Variants in TMEM117 observed in about 807,000 individuals in gnomAD.
TMEM117 encodes the protein transmembrane protein 117.
Under a neutral mutation model 52.4 loss-of-function variants are expected in TMEM117, and 27 were observed. The observed-to-expected ratio is 0.51, with a 90% CI of 0.38 to 0.71. TMEM117 has a LOEUF of 0.71. Among genes scored for constraint, TMEM117 ranks in the 30% least tolerant of loss-of-function variants. The probability of loss-of-function intolerance (pLI) is 0.00; values close to 1 mark genes in which losing one functional copy is unlikely to be tolerated. For synonymous variants in TMEM117, 215 were observed against 206.3 expected (o/e 1.04, Z -0.36); for missense variants, 556 against 630.5 (o/e 0.88, Z 1.26).
chr12:44,041,132 T>C (rs999531591), intron 3 of TMEM117, among the ~76,000 whole-genome samples: 2 of 152,060 alleles, frequency 1.3e-5, no homozygotes, highest in Admixed American at 6.5e-5. Context: ...TTAGGGTACA[T>C]GTGCACAACA....
chr12:44,232,284 TG>T (rs1949943649), intron 5 of TMEM117, among the ~76,000 whole-genome samples: 1 of 151,614 alleles, frequency 6.6e-6, no homozygotes, highest in Non-Finnish European at 1.5e-5. Context: ...ACAATCCAAC[TG>T]GTGTTAAGTG....
chr12:44,124,009 C>T (rs1357183093), intron 3 of TMEM117, among the ~76,000 whole-genome samples: 1 of 151,838 alleles, frequency 6.6e-6, no homozygotes, highest in East Asian at 1.9e-4. Flanking sequence ...GCCATTTTAA[C>T]AATATAGATT....
At chr12:44,339,836 A>AT (rs908626489) in intron 6 of TMEM117, among the ~76,000 whole-genome samples, 1 of 151,660 alleles carries the variant, frequency 6.6e-6, no homozygotes, top group African/African-American at 2.4e-5. Context: ...CTCATATATG[A>AT]TTTTTATATA....
At chr12:44,134,917 G>A (rs921738508) in intron 3 of TMEM117, among the ~76,000 whole-genome samples, 7 of 152,042 alleles carry the variant, frequency 4.6e-5, no homozygotes, top group African/African-American at 1.7e-4. Context: ...CAAAGTGCTG[G>A]TATGCATGTC....
the TMEM117 span, among the ~76,000 whole-genome samples, chr12:43,796,161 T>C: frequency 6.6e-6 from 1 of 152,178 alleles, no homozygotes; most frequent in East Asian, 1.9e-4. Flanking sequence ...GTAAGATTGT[T>C]TTACATTTTT....
chr12:43,967,850 T>A (rs1312976195), intron 3 of TMEM117, among the ~76,000 whole-genome samples: 1 of 152,216 alleles, frequency 6.6e-6, no homozygotes, highest in Non-Finnish European at 1.5e-5. Flanking sequence ...AATAAAATAG[T>A]GTGTTCTGAA....
intron 2 of TMEM117, among the ~76,000 whole-genome samples, chr12:43,929,039 G>T (rs1592370961): frequency 6.6e-6 from 1 of 151,502 alleles, no homozygotes; most frequent in Non-Finnish European, 1.5e-5. Context: ...ATTGTGAATA[G>T]TGCCACAATA....
intron 2 of TMEM117, among the ~76,000 whole-genome samples, chr12:43,876,845 T>C (rs1943805319): frequency 6.6e-6 from 1 of 152,218 alleles, no homozygotes; most frequent in African/African-American, 2.4e-5. Context: ...TAGAAATAAG[T>C]ATTACTAGTA....
At chr12:44,161,080 C>T (rs1948892117) in intron 4 of TMEM117, among the ~76,000 whole-genome samples, 1 of 152,058 alleles carries the variant, frequency 6.6e-6, no homozygotes, top group South Asian at 2.1e-4. Context: ...GAGCACTGGG[C>T]AATAGGGTTT....
At chr12:44,100,688 A>G (rs1473064740) in intron 3 of TMEM117, among the ~76,000 whole-genome samples, 8 of 152,044 alleles carry the variant, frequency 5.3e-5, no homozygotes, top group Non-Finnish European at 1.2e-4. Context: ...CATCATCACC[A>G]TAAAATTTCT....
chr12:43,839,273 G>A (rs986664667), intron 1 of TMEM117, among the ~76,000 whole-genome samples: 2 of 152,056 alleles, frequency 1.3e-5, no homozygotes, highest in African/African-American at 4.8e-5. Context: ...TGTCATATAA[G>A]TCAGATTGTG....
At chr12:43,968,733 A>G (rs1945525430) in intron 3 of TMEM117, among the ~76,000 whole-genome samples, 1 of 152,310 alleles carries the variant, frequency 6.6e-6, no homozygotes, top group Non-Finnish European at 1.5e-5. Context: ...GCACAATACA[A>G]ATTATTAGAG....
intron 2 of TMEM117, among the ~76,000 whole-genome samples, chr12:43,906,127 C>T (rs991284510): frequency 4.6e-5 from 7 of 152,134 alleles, no homozygotes; most frequent in African/African-American, 9.7e-5. Flanking sequence ...CACATTCATA[C>T]TTGTGCAATA....
the TMEM117 span, among the ~76,000 whole-genome samples, chr12:43,824,912 C>A: frequency 2.0e-5 from 3 of 152,138 alleles, no homozygotes; most frequent in Non-Finnish European, 4.4e-5. Context: ...CCAGCCTGGG[C>A]GACAGAGCGA....
At chr12:44,390,174 G>A (rs1952152993), downstream of TMEM117, among the ~76,000 whole-genome samples, 1 of 150,854 alleles carries the variant, frequency 6.6e-6, no homozygotes, top group African/African-American at 2.5e-5. Flanking sequence ...CATGCATGGT[G>A]CTACTTAGAA....
At chr12:44,001,280 C>T (rs1281738683) in intron 3 of TMEM117, among the ~76,000 whole-genome samples, 1 of 152,222 alleles carries the variant, frequency 6.6e-6, no homozygotes, top group Non-Finnish European at 1.5e-5. Context: ...ATACCTAGCT[C>T]TGGGCCAGCC....
At chr12:44,322,280 G>A (rs1007162239) in intron 6 of TMEM117, among the ~76,000 whole-genome samples, 1 of 152,114 alleles carries the variant, frequency 6.6e-6, no homozygotes, top group Non-Finnish European at 1.5e-5. Flanking sequence ...TGACCTCTAG[G>A]ATTCCTTAGG....
chr12:43,877,934 G>A (rs1943831861), intron 2 of TMEM117, among the ~76,000 whole-genome samples: 1 of 141,670 alleles, frequency 7.1e-6, no homozygotes, highest in African/African-American at 2.6e-5. Flanking sequence ...CACACAGACA[G>A]AATAATACTT....
chr12:44,154,797 ATT>A (rs199693176), intron 4 of TMEM117, among the ~76,000 whole-genome samples: 13 of 150,714 alleles, frequency 8.6e-5, no homozygotes, highest in African/African-American at 2.9e-4. Context: ...TGATTATATG[ATT>A]TTTTTTAAAA....
Sources: gnomAD v4.1 joint callset for allele counts (sites outside exome capture counted in the v4.1 genomes callset) on GRCh38, gnomAD v4.1.1 for gene constraint, MANE v1.5 for transcripts, NCBI Gene and HGNC (gene_info 2026-07-23, HGNC 2026-07-21) for gene names.